The following SCRIB variants were observed in gnomAD, a reference collection of about 807,000 sequenced individuals.
SCRIB encodes the protein protein scribble homolog.
SCRIB carries 72 observed loss-of-function variants against 170.0 expected under a neutral mutation model. The ratio of observed to expected loss-of-function variants is 0.42; its 90% CI spans 0.35 to 0.52. SCRIB has a LOEUF of 0.52. Ranked by LOEUF, SCRIB falls within the 20% of genes least tolerant of loss-of-function variation. The pLI, the probability that SCRIB is intolerant of heterozygous loss-of-function variation, is 0.02. For missense variants in SCRIB, 2,475 were observed against 2,338.5 expected (o/e 1.06, Z -1.20); for synonymous variants, 1,298 against 1,044.3 (o/e 1.24, Z -4.68).
chr8:143,812,931 G>A lies in SCRIB; in HGVS notation c.673C>T (p.Leu225=). Residue 225 remains leucine (L), a synonymous_variant, in exon 8 of 37, where the codon CTG becomes TTG. Transcript: ENST00000356994. The part of the protein sequence containing the change: ...ELGNLRRLVC[L]DVSENRLEEL... ...TCCAGCCGGTTTTCCGACACGTCCA[G>A]GCACACCAGGCGCCGCAGGTTCCCG... 6.2e-7 allele frequency: 1 copy of A among 1,612,758 alleles called. No individual in the cohort carries two copies. Among genetic ancestry groups the A allele is most frequent in the Non-Finnish European group, 8.5e-7 (1 of 1,179,908 alleles).
chr8:143,791,446 A>G lies in SCRIB; in HGVS notation c.4771-6T>C. 1 of 1,610,250 alleles carries G rather than the reference A, an allele frequency of 6.2e-7. No homozygotes were observed. The highest frequency in any genetic ancestry group is 8.5e-7 in the Non-Finnish European group (1 of 1,178,892). Reference sequence around the variant, plus strand: ...TCCTCAGCAAAGTCCGGTGACTGTGATGGGGAGAGTGTTGGTCAGGCCGGT... The same window carrying G: ...TCCTCAGCAAAGTCCGGTGACTGTGGTGGGGAGAGTGTTGGTCAGGCCGGT... On this transcript the variant is annotated splice_region_variant and splice_polypyrimidine_tract_variant and intron_variant, in intron 35 of 36. Transcript: ENST00000356994.
intron 27 of SCRIB, 125 bp downstream of exon 27, chr8:143,794,912 TG>T: frequency 1.2e-6 from 1 of 833,980 alleles, no homozygotes; most frequent in Non-Finnish European, 1.9e-6. Flanking sequence ...AGGTCAGACG[TG>T]GCCTCCTCCC....
In SCRIB at chr8:143,792,608, T is replaced by C. The variant is rs1432083810; in HGVS notation, c.4205A>G (p.Gln1402Arg). ...AGCCTCTGCCGCCTCCCGCAGCATC[T>C]GCGCTCTCTTCTGCTGTAGTTTTCT... ...EARKLQQKRA[Q>R]MLREAAEAGA... The change falls in exon 31 of 37, where the codon CAG (glutamine) becomes CGG (arginine). Residue 1402 changes from glutamine to arginine, a missense_variant. Coordinates refer to ENST00000356994, the MANE Select transcript of SCRIB (RefSeq NM_182706.5). The C allele has an allele frequency of 2.4e-5, 39 of 1,592,926 alleles. No homozygotes were observed. Among genetic ancestry groups the C allele is most frequent in the Non-Finnish European group, 2.9e-5 (34 of 1,176,936 alleles).
rs201460152 is a variant in SCRIB at position 143,812,826 on chromosome 8, C to T, written c.778G>A (p.Asp260Asn). The change falls in exon 8 of 37, where the codon GAC becomes AAC. Residue 260 changes from aspartate to asparagine, a missense_variant. Asp to Asn is a conservative substitution (Grantham distance 23). Around this residue, in one of 3 missense-constraint regions of SCRIB, gnomAD observed 487 missense variants for 558.1 expected, o/e 0.87. Transcript: ENST00000356994. ...CCCCAGGCACACTAACCGATGCCGT[C>T]GGGCAGCCTCCGCAGCAGGTTCTGG... ...LSQNLLRRLP[D>N]GIGQLKQLSI... 61 of 1,600,022 alleles carry T rather than the reference C, an allele frequency of 3.8e-5. No homozygotes were observed. Among genetic ancestry groups the T allele is most frequent in the Non-Finnish European group, 4.6e-5 (54 of 1,178,624 alleles).
In SCRIB at chr8:143,791,702, C is replaced by G; in HGVS notation, c.4734G>C (p.Ala1578=). 1 of 1,604,294 alleles carries G rather than the reference C, an allele frequency of 6.2e-7. No homozygotes were observed. Among genetic ancestry groups the G allele is most frequent in the Non-Finnish European group, 8.5e-7 (1 of 1,172,954 alleles). ...SGKKFDYRAF[A]ALPSSRPVYD... The stretch of plus-strand genomic sequence containing the variant: ...AGACAGGTCTGGAAGAAGGCAGGGC[C>G]GCAAAGGCCCTGTAGTCAAACTTCT... Residue 1578 remains alanine (A), a synonymous_variant, in exon 35 of 37, where the codon GCG becomes GCC. Transcript: ENST00000356994.
chr8:143,796,765 A>T (rs1374668494), intron 24 of SCRIB, among the ~76,000 whole-genome samples: 1 of 152,206 alleles, frequency 6.6e-6, no homozygotes, highest in Non-Finnish European at 1.5e-5. Context: ...TTTCTGAAAT[A>T]ACAAGTCAAA....
intron 28 of SCRIB, 62 bp downstream of exon 28, chr8:143,793,838 A>G (rs782260153): frequency 5.2e-6 from 8 of 1,538,474 alleles, no homozygotes; most frequent in African/African-American, 1.4e-5. Context: ...CCCTGTGCAC[A>G]GCGGCCATCT....
chr8:143,811,889 T>G (rs1413957080), intron 9 of SCRIB, among the ~76,000 whole-genome samples: 1 of 152,152 alleles, frequency 6.6e-6, no homozygotes, highest in Admixed American at 6.5e-5. Context: ...CGTGGCCTGG[T>G]GCCTCAGCTT....
At chr8:143,802,107 C>T (rs185980274) in intron 24 of SCRIB, among the ~76,000 whole-genome samples, 3 of 152,354 alleles carry the variant, frequency 2.0e-5, no homozygotes, top group African/African-American at 7.2e-5. Flanking sequence ...AAAGGCAAGG[C>T]CCTCTCTGAG....
Position 143,808,769 on chromosome 8 carries a change from G to A in SCRIB, c.1955C>T (p.Pro652Leu), listed in dbSNP as rs2130110152. ...PGGWHNGPHA[P>L]WAPRAQKEEE... ...CTCCTTCTGGGCCCGAGGAGCCCAG[G>A]GTGCGTGGGGGCCATTGTGCCAGCC... The change falls in exon 15 of 37, where the codon CCC becomes CTC. Residue 652 changes from proline to leucine, a missense_variant. Coordinates refer to ENST00000356994, the MANE Select transcript of SCRIB (RefSeq NM_182706.5). The A allele has an allele frequency of 1.2e-6, 2 of 1,609,892 alleles. No individual in the cohort carries two copies. The highest frequency in any genetic ancestry group is 1.7e-4 in the Middle Eastern group (1 of 6,034).
At chr8:143,812,146 T>C in intron 9 of SCRIB, 120 bp downstream of exon 9, 1 of 765,132 alleles carries the variant, frequency 1.3e-6, no homozygotes, top group Non-Finnish European at 2.4e-6. Context: ...GAGCCCTTCC[T>C]GAGTGGCTCC....
chr8:143,798,986 A>G (rs1036728870), intron 24 of SCRIB, among the ~76,000 whole-genome samples: 1 of 152,216 alleles, frequency 6.6e-6, no homozygotes. Flanking sequence ...ATCAAGGGAC[A>G]TCAAGGGAAC....
At chr8:143,791,824 CCCA>C in intron 34 of SCRIB, 49 bp downstream of exon 34, 3 of 1,500,622 alleles carry the variant, frequency 2.0e-6, no homozygotes, top group Non-Finnish European at 2.7e-6. Context: ...CAGGCCAGAC[CCCA>C]CCCCCATGCC....
At chr8:143,799,574 C>T (rs530385529) in intron 24 of SCRIB, among the ~76,000 whole-genome samples, 7 of 152,310 alleles carry the variant, frequency 4.6e-5, no homozygotes, top group Admixed American at 1.3e-4. Context: ...CCTAGGTTTG[C>T]GCAGGGGTCG....
Position 143,813,098 on chromosome 8 carries a change from T to A in SCRIB, c.574A>T (p.Thr192Ser). ...CGAAGATTGGGCAGAGCCCCCAGAG[T>A]GTCTGGCTGCAAGAAGGAACAGAGA... ...GGNDLEVLPD[T>S]LGALPNLREL... The change falls in exon 7 of 37, where the codon ACT becomes TCT. Residue 192 changes from threonine to serine, a missense_variant. Physicochemically the swap from Thr to Ser is moderately conservative, Grantham distance 58. Transcript: ENST00000356994. 6.3e-7 allele frequency: 1 copy of A among 1,576,156 alleles called. No homozygotes were observed. Among genetic ancestry groups the A allele is most frequent in the Middle Eastern group, 1.7e-4 (1 of 5,940 alleles).
chr8:143,815,461 T>TGGGGAGGGGGCGC lies in SCRIB; in HGVS notation c.-102_-90dup. 1 of 1,027,132 alleles carries TGGGGAGGGGGCGC rather than the reference T, an allele frequency of 9.7e-7. No homozygotes were observed. The highest frequency in any genetic ancestry group is 1.2e-6 in the Non-Finnish European group (1 of 848,864). 63.6% of individuals were successfully genotyped at this position (1,027,132 alleles called of 1,614,324 possible). ...GCTCAGTCCGCATGGGCGCCGCGCA[T>TGGGGAGGGGGCGC]GGGGAGGGGGCGCAGGCAGGGGGCG... On this transcript the variant is annotated 5_prime_UTR_variant, in exon 1 of 37. Coordinates refer to ENST00000356994, the MANE Select transcript of SCRIB (RefSeq NM_182706.5).
chr8:143,805,018 CA>C lies in SCRIB; in HGVS notation c.2671-5del, dbSNP rs1563798902. The C allele has an allele frequency of 6.3e-7, 1 of 1,586,582 alleles. No individual in the cohort carries two copies. The highest frequency in any genetic ancestry group is 8.5e-7 in the Non-Finnish European group (1 of 1,169,622). ...CAATGCGGGAGACGAAGATGCCCTG[CA>C]GGGGAGGGTGGAGGAGGCAGGGCTG... On this transcript the variant is annotated splice_polypyrimidine_tract_variant and splice_region_variant and intron_variant, in intron 19 of 36. Transcript: ENST00000356994.
At position 143,803,541 on chromosome 8, in the gene SCRIB, C is replaced by T. The variant is rs782557285; in HGVS notation, c.3445G>A (p.Gly1149Ser). 22 of 1,585,862 alleles carry T rather than the reference C, an allele frequency of 1.4e-5. No individual in the cohort carries two copies. Among genetic ancestry groups the T allele is most frequent in the East Asian group, 6.9e-5 (3 of 43,358 alleles). The change falls in exon 24 of 37, where the codon GGT (glycine) becomes AGT (serine). Residue 1149 changes from glycine (G) to serine (S), a missense_variant. Physicochemically the swap from Gly to Ser is moderately conservative, Grantham distance 56. This residue lies in a region of SCRIB where 1,966 missense variants were observed against 1,742.9 expected (regional missense o/e 1.13). Coordinates refer to ENST00000356994, the MANE Select transcript of SCRIB (RefSeq NM_182706.5). ...VSPTGAAGRDGRLRVGLRLLE... is the reference protein window; with the variant it reads ...VSPTGAAGRDSRLRVGLRLLE... The stretch of plus-strand genomic sequence containing the variant: ...AGCCGCAAACCCACACGCAGCCGAC[C>T]GTCGCGCCCGGCTGCCCCCGTGGGG...
chr8:143,815,177 G>A (rs760861557), intron 1 of SCRIB, 37 bp downstream of exon 1: 9 of 1,524,398 alleles, frequency 5.9e-6, no homozygotes, highest in Non-Finnish European at 7.9e-6. Flanking sequence ...CGGGCTGGGG[G>A]CGCGCCTTTG....
Sources: gnomAD v4.1 joint callset for allele counts (sites outside exome capture counted in the v4.1 genomes callset) on GRCh38, gnomAD v4.1.1 for gene constraint, gnomAD v4.1.1 regional missense constraint, MANE v1.5 for transcripts, NCBI Gene and HGNC (gene_info 2026-07-23, HGNC 2026-07-21) for gene names.